GRIN2A: variants seen among roughly 807,000 people sequenced by gnomAD.
GRIN2A encodes glutamate ionotropic receptor NMDA type subunit 2A, also known as glutamate receptor ionotropic, NMDA 2A.
Under a neutral mutation model 113.4 loss-of-function variants are expected in GRIN2A, and 22 were observed. The observed-to-expected ratio is 0.19, with a 90% CI of 0.14 to 0.28. GRIN2A has a LOEUF of 0.28. Ranked by LOEUF, GRIN2A falls within the 10% of genes least tolerant of loss-of-function variation. The pLI, the probability that GRIN2A is intolerant of heterozygous loss-of-function variation, is 1.00. For missense variants in GRIN2A, 1,502 were observed against 1,887.0 expected, an observed-to-expected ratio of 0.80 and a Z score of 3.78; for synonymous variants, 827 against 738.4, an observed-to-expected ratio of 1.12 and a Z score of -1.94.
chr16:9,988,854 A>G (rs1281988740), intron 2 of GRIN2A, among the ~76,000 whole-genome samples: 2 of 152,178 alleles, frequency 1.3e-5, no homozygotes, highest in African/African-American at 4.8e-5. Context: ...ATGTAGCCCA[A>G]GATCCCCCAG....
intron 2 of GRIN2A, among the ~76,000 whole-genome samples, chr16:10,124,521 G>A (rs1398720320): frequency 6.6e-6 from 1 of 152,174 alleles, no homozygotes; most frequent in Non-Finnish European, 1.5e-5. Flanking sequence ...ATTCCTTGGT[G>A]CTTGGGTAGA....
chr16:10,173,541 C>G (rs1444256840), intron 2 of GRIN2A, among the ~76,000 whole-genome samples: 1 of 152,196 alleles, frequency 6.6e-6, no homozygotes, highest in Non-Finnish European at 1.5e-5. Context: ...ATGCCCTGAA[C>G]CATATTGTGA....
intron 3 of GRIN2A, among the ~76,000 whole-genome samples, chr16:9,919,657 G>A (rs2044321393): frequency 6.6e-6 from 1 of 152,196 alleles, no homozygotes; most frequent in Non-Finnish European, 1.5e-5. Flanking sequence ...AAGCTCAGAG[G>A]TCACTGCAGT....
chr16:10,036,695 C>A (rs2047039539), intron 2 of GRIN2A, among the ~76,000 whole-genome samples: 1 of 151,822 alleles, frequency 6.6e-6, no homozygotes, highest in Non-Finnish European at 1.5e-5. Flanking sequence ...ATCCGCCCAC[C>A]TCGGCCTCCC....
chr16:10,180,612 TC>T lies in GRIN2A; in HGVS notation c.-18-184del. 1 of 1,006,554 alleles carries T rather than the reference TC, an allele frequency of 9.9e-7. No homozygotes were observed. Among genetic ancestry groups the T allele is most frequent in the Non-Finnish European group, 1.4e-6 (1 of 705,928 alleles). 62.4% of individuals were successfully genotyped at this position (1,006,554 alleles called of 1,614,324 possible). A position where few individuals can be genotyped will look rare whatever the true frequency, so the allele number is the denominator to read the frequency against. ...CCACATCCCTCGATCCATCTCTAAC[TC>T]TATCCACAACTCCAATTCGAGCTAA... On this transcript the variant is annotated intron_variant, in intron 1 of 12. Coordinates refer to ENST00000330684, the MANE Select transcript of GRIN2A (RefSeq NM_001134407.3). This position sits in a 1 kb window ranked among gnomAD's most constrained non-coding sequence, Gnocchi z 7.0.
At chr16:10,168,714 C>T (rs1379856652) in intron 2 of GRIN2A, among the ~76,000 whole-genome samples, 1 of 152,158 alleles carries the variant, frequency 6.6e-6, no homozygotes, top group Non-Finnish European at 1.5e-5. Flanking sequence ...CGCCTGTAGT[C>T]CAGCACTTTA....
chr16:10,047,979 C>G (rs1274712048), intron 2 of GRIN2A, among the ~76,000 whole-genome samples: 2 of 152,182 alleles, frequency 1.3e-5, no homozygotes, highest in Non-Finnish European at 2.9e-5. Context: ...CTGTGACCCC[C>G]CTACATGTCC....
chr16:10,001,750 C>T (rs1404786018), intron 2 of GRIN2A, among the ~76,000 whole-genome samples: 2 of 152,068 alleles, frequency 1.3e-5, no homozygotes, highest in African/African-American at 4.8e-5. Context: ...CTGCTTTTAC[C>T]AAAGGACATG....
chr16:9,966,692 C>T (rs1373689377), intron 2 of GRIN2A, among the ~76,000 whole-genome samples: 1 of 152,148 alleles, frequency 6.6e-6, no homozygotes, highest in Non-Finnish European at 1.5e-5. Flanking sequence ...CGAGAAATTG[C>T]CACATTGTCT....
At chr16:9,885,053 G>A (rs778067464) in intron 4 of GRIN2A, among the ~76,000 whole-genome samples, 2 of 152,096 alleles carry the variant, frequency 1.3e-5, no homozygotes, top group East Asian at 3.9e-4. Flanking sequence ...TTTCTTGACT[G>A]GCCCAAGTTC....
intron 3 of GRIN2A, among the ~76,000 whole-genome samples, chr16:9,923,755 C>A (rs944432057): frequency 2.6e-5 from 4 of 152,060 alleles, no homozygotes; most frequent in African/African-American, 7.2e-5. Context: ...TTTTAACAAC[C>A]TATTAACCTC....
At chr16:9,768,790 A>G (rs1901076666) in intron 12 of GRIN2A, 61 bp downstream of exon 12, 5 of 1,100,292 alleles carry the variant, frequency 4.5e-6, no homozygotes, top group Non-Finnish European at 7.0e-6. Context: ...AGACATCAAG[A>G]ACCCAAGCGC....
rs1264972353 is a variant in GRIN2A at position 9,760,767 on chromosome 16, T to C, written c.*2382A>G. The C allele has an allele frequency of 8.7e-6, 2 of 229,750 alleles. No individual in the cohort carries two copies. The highest frequency in any genetic ancestry group is 2.2e-5 in the African/African-American group (1 of 45,140). The allele number at this position is 229,750 out of a possible 1,614,324, so 14.2% of individuals were successfully genotyped here. ...CTTTGGCTTGACGACAAATCACTCT[T>C]CTGTATTCTGGGAAGACTTTTTAAT... On this transcript the variant is annotated 3_prime_UTR_variant, in exon 13 of 13. Transcript: ENST00000330684.
intron 11 of GRIN2A, among the ~76,000 whole-genome samples, chr16:9,789,779 C>T (rs1420604639): frequency 6.6e-6 from 1 of 152,134 alleles, no homozygotes; most frequent in Non-Finnish European, 1.5e-5. Flanking sequence ...AATGACATTG[C>T]AATGAACAAA....
At chr16:10,116,875 G>A (rs565792738) in intron 2 of GRIN2A, among the ~76,000 whole-genome samples, 14 of 152,176 alleles carry the variant, frequency 9.2e-5, no homozygotes, top group African/African-American at 3.1e-4. Context: ...CCATATGCAG[G>A]AGCCAAACAC....
At chr16:10,047,266 C>A (rs1444928173) in intron 2 of GRIN2A, among the ~76,000 whole-genome samples, 1 of 152,134 alleles carries the variant, frequency 6.6e-6, no homozygotes, top group Non-Finnish European at 1.5e-5. Flanking sequence ...GCAGATAGAT[C>A]TAGGTCCCAC....
chr16:9,800,511 G>T (rs929355446), intron 10 of GRIN2A, among the ~76,000 whole-genome samples: 9 of 152,234 alleles, frequency 5.9e-5, no homozygotes, highest in African/African-American at 2.2e-4. Context: ...GTGAAACACT[G>T]CATCTTTTCA....
chr16:9,943,648 C>A (rs1028231514), intron 2 of GRIN2A, among the ~76,000 whole-genome samples: 1 of 152,212 alleles, frequency 6.6e-6, no homozygotes, highest in African/African-American at 2.4e-5. Flanking sequence ...GATGGCATTT[C>A]TCCTAAAGAC....
At position 9,957,454 on chromosome 16, in the gene GRIN2A, T is replaced by G. The variant is rs115794389; in HGVS notation, c.415-18903A>C. Among the ~76,000 whole-genome samples, 840 of 152,324 alleles carry G rather than the reference T, an allele frequency of 5.5e-3. 6 individuals are homozygous for G. Among genetic ancestry groups the G allele is most frequent in the African/African-American group, 0.019 (784 of 41,564 alleles). On this transcript the variant is annotated intron_variant, in intron 2 of 12. Transcript: ENST00000330684. The stretch of plus-strand genomic sequence containing the variant: ...ATTTGGGTCCTGATACTGTGGTACC[T>G]TTAATAAACTTTTTTCATGCCTTCC...
Sources: gnomAD v4.1 joint callset for allele counts (sites outside exome capture counted in the v4.1 genomes callset) on GRCh38, gnomAD v4.1.1 for gene constraint, Gnocchi (gnomAD v3.1) non-coding constraint, MANE v1.5 for transcripts, NCBI Gene and HGNC (gene_info 2026-07-23, HGNC 2026-07-21) for gene names.